The following ARHGAP15 variants were observed in gnomAD, a reference collection of about 807,000 sequenced individuals.
ARHGAP15 encodes rho GTPase-activating protein 15.
Under a neutral mutation model 63.7 loss-of-function variants are expected in ARHGAP15, and 51 were observed. That is an observed-to-expected ratio of 0.80 (90% CI 0.64 to 1.01). The LOEUF (loss-of-function observed/expected upper bound fraction) is 1.01. Ranked by LOEUF, ARHGAP15 falls within the 50% of genes least tolerant of loss-of-function variation. The probability of loss-of-function intolerance (pLI) is 0.00; values close to 1 mark genes in which losing one functional copy is unlikely to be tolerated. For missense variants in ARHGAP15, 560 were observed against 564.6 expected (o/e 0.99, Z 0.08); for synonymous variants, 191 against 193.8 (o/e 0.99, Z 0.12).
chr2:143,240,347 A>G (rs1289121735), intron 5 of ARHGAP15, among the ~76,000 whole-genome samples: 1 of 152,162 alleles, frequency 6.6e-6, no homozygotes, highest in Non-Finnish European at 1.5e-5. Flanking sequence ...TTATTTATGG[A>G]AGGAAAATGA....
intron 11 of ARHGAP15, among the ~76,000 whole-genome samples, chr2:143,564,637 A>G (rs1696151508): frequency 6.6e-6 from 1 of 152,198 alleles, no homozygotes; most frequent in Non-Finnish European, 1.5e-5. Flanking sequence ...ATTTGAAAAA[A>G]GGGGAAATAG....
chr2:143,583,316 C>T (rs1169833408), intron 11 of ARHGAP15, among the ~76,000 whole-genome samples: 1 of 152,292 alleles, frequency 6.6e-6, no homozygotes, highest in East Asian at 1.9e-4. Flanking sequence ...CCATATGTTA[C>T]ATATTATTTA....
intron 10 of ARHGAP15, among the ~76,000 whole-genome samples, chr2:143,548,861 A>G (rs1441343103): frequency 3.3e-5 from 5 of 152,122 alleles, no homozygotes; most frequent in Non-Finnish European, 5.9e-5. Context: ...CAAAAAACCA[A>G]AATGAGATAA....
At position 143,153,777 on chromosome 2, in the gene ARHGAP15, ATCTTCTTCTTCT is replaced by A. The variant is rs1175995548; in HGVS notation, c.-14-1643_-14-1632del. Among the ~76,000 whole-genome samples, 511 of 85,224 alleles carry A rather than the reference ATCTTCTTCTTCT, an allele frequency of 6.0e-3. 18 individuals are homozygous for A. The highest frequency in any genetic ancestry group is 0.038 in the Middle Eastern group (5 of 130). The allele number at this position is 85,224 out of a possible 152,430, so 55.9% of individuals were successfully genotyped here. ...TTATATAAATGAAATTATATAATAAATCTTCTTCTTCTTCTTCTTCTTCTTCTTCTTCTTCTT... is the reference window on the plus strand; with the variant it reads ...TTATATAAATGAAATTATATAATAAATCTTCTTCTTCTTCTTCTTCTTCTT... On this transcript the variant is annotated intron_variant, in intron 1 of 13. Coordinates refer to ENST00000295095, the MANE Select transcript of ARHGAP15 (RefSeq NM_018460.4).
At chr2:143,607,927 G>A (rs1698103741) in intron 11 of ARHGAP15, 1 of 152,262 alleles carries the variant, frequency 6.6e-6, no homozygotes, top group South Asian at 2.1e-4. Flanking sequence ...GTGACTCTGG[G>A]GTTAGGGAAG....
chr2:143,526,795 G>C (rs116851248), intron 10 of ARHGAP15, among the ~76,000 whole-genome samples: 1 of 152,120 alleles, frequency 6.6e-6, no homozygotes. Context: ...GAGATTTTCA[G>C]ATTTTTTTGC....
rs149059345 is a variant in ARHGAP15 at position 143,219,314 on chromosome 2, G to A, written c.296+2869G>A. Among the ~76,000 whole-genome samples the A allele has an allele frequency of 1.1e-4, 16 of 152,304 alleles. No individual in the cohort carries two copies. The East Asian group carries it at 2.9e-3, about 28-fold the overall frequency. The stretch of plus-strand genomic sequence containing the variant: ...AATAGGCTATGCCATATAGCCTAGC[G>A]TGTGGTAGGCTTTACCATGTAGATT... On this transcript the variant is annotated intron_variant, in intron 4 of 13. Transcript: ENST00000295095.
At chr2:143,618,998 A>AT (rs11349449) in intron 11 of ARHGAP15, among the ~76,000 whole-genome samples, 51 of 150,078 alleles carry the variant, frequency 3.4e-4, no homozygotes, top group African/African-American at 9.6e-4. Flanking sequence ...ACTTTTTGTT[A>AT]TTTTTTTTTT....
At chr2:143,287,313 C>A (rs1425509077) in intron 6 of ARHGAP15, among the ~76,000 whole-genome samples, 1 of 152,158 alleles carries the variant, frequency 6.6e-6, no homozygotes, top group Non-Finnish European at 1.5e-5. Context: ...TGTTCTCGTA[C>A]TACTTAGGAC....
intron 6 of ARHGAP15, among the ~76,000 whole-genome samples, chr2:143,424,744 T>G (rs750947763): frequency 5.3e-5 from 8 of 152,260 alleles, no homozygotes; most frequent in Non-Finnish European, 8.8e-5. Context: ...ATGTGTCCCA[T>G]CTTGAATCCT....
chr2:143,758,435 A>G (rs1686653230), intron 13 of ARHGAP15, among the ~76,000 whole-genome samples: 1 of 151,956 alleles, frequency 6.6e-6, no homozygotes, highest in Non-Finnish European at 1.5e-5. Flanking sequence ...TCTGATTAGT[A>G]CTTTTTTTTT....
chr2:143,336,308 G>A (rs1008720862), intron 6 of ARHGAP15, among the ~76,000 whole-genome samples: 5 of 152,288 alleles, frequency 3.3e-5, no homozygotes, highest in Middle Eastern at 3.4e-3. Flanking sequence ...TCTATAAGGG[G>A]AGAGGCAGAT....
At chr2:143,152,731 A>G (rs541707578) in intron 1 of ARHGAP15, among the ~76,000 whole-genome samples, 1 of 152,136 alleles carries the variant, frequency 6.6e-6, no homozygotes, top group East Asian at 1.9e-4. Context: ...AAGAACAATT[A>G]TGAAATAGCA....
intron 13 of ARHGAP15, among the ~76,000 whole-genome samples, chr2:143,749,386 T>A (rs1379576012): frequency 6.6e-6 from 1 of 152,166 alleles, no homozygotes; most frequent in African/African-American, 2.4e-5. Flanking sequence ...ACGAAAACGA[T>A]CTTCATTTCT....
At chr2:143,228,761 C>A in intron 5 of ARHGAP15, 93 bp downstream of exon 5, 3 of 834,034 alleles carry the variant, frequency 3.6e-6, no homozygotes, top group East Asian at 2.9e-5. Context: ...CTAAAACCTC[C>A]AAGCTACCAA....
chr2:143,640,890 A>G (rs912431732), intron 12 of ARHGAP15: 2 of 152,178 alleles, frequency 1.3e-5, no homozygotes, highest in African/African-American at 2.4e-5. Context: ...ATCTGCCACC[A>G]AATTCCTACT....
chr2:143,251,266 A>AT (rs1574154031), intron 6 of ARHGAP15, among the ~76,000 whole-genome samples: 1 of 152,114 alleles, frequency 6.6e-6, no homozygotes, highest in East Asian at 1.9e-4. Context: ...TTTTTGTTCT[A>AT]TTTTATATGA....
At chr2:143,178,656 G>A (rs1046768651) in intron 2 of ARHGAP15, among the ~76,000 whole-genome samples, 2 of 151,400 alleles carry the variant, frequency 1.3e-5, no homozygotes, top group Admixed American at 6.6e-5. Flanking sequence ...GATGTGTCTC[G>A]CTGTGTTGCC....
chr2:143,185,367 C>A (rs1401679007), intron 2 of ARHGAP15, among the ~76,000 whole-genome samples: 1 of 152,084 alleles, frequency 6.6e-6, no homozygotes, highest in African/African-American at 2.4e-5. Flanking sequence ...ATACTTTGAA[C>A]TTATCTTGTA....
Sources: gnomAD v4.1 joint callset for allele counts (sites outside exome capture counted in the v4.1 genomes callset) on GRCh38, gnomAD v4.1.1 for gene constraint, MANE v1.5 for transcripts, NCBI Gene and HGNC (gene_info 2026-07-23, HGNC 2026-07-21) for gene names.